Variants in PXYLP1 observed in about 807,000 individuals in gnomAD.
The protein encoded by PXYLP1 is acid phosphatase-like 2.
PXYLP1 carries 17 observed loss-of-function variants against 37.9 expected under a neutral mutation model. That is an observed-to-expected ratio of 0.45 (90% confidence interval 0.31 to 0.67). PXYLP1 has a LOEUF of 0.67. Among genes scored for constraint, PXYLP1 ranks in the 30% least tolerant of loss-of-function variants. The pLI is 0.07. For synonymous variants in PXYLP1, 221 were observed against 232.2 expected (o/e 0.95, Z 0.44); for missense variants, 511 against 612.0 (o/e 0.84, Z 1.74).
intron 2 of PXYLP1, 110 bp from the exon 3 acceptor site, chr3:141,278,232 T>C: frequency 7.9e-7 from 1 of 1,258,138 alleles, no homozygotes; most frequent in Non-Finnish European, 1.1e-6. Flanking sequence ...GCACCTTGAT[T>C]CTCAGTGTAA....
In PXYLP1 at chr3:141,288,821, G is replaced by C. The variant is rs189394454; in HGVS notation, c.505+1368G>C. On this transcript the variant is annotated intron_variant, in intron 5 of 5. Transcript: ENST00000286353. ...TGAGGCGGGAGGACCACTTGAGCCC[G>C]GGAGGTCAAGGCTGCAGTGAACCAT... Among the ~76,000 whole-genome samples the C allele has an allele frequency of 5.0e-4, 76 of 152,270 alleles. 1 individual carries two copies. The highest frequency in any genetic ancestry group is 4.3e-3 in the Admixed American group (66 of 15,298).
intron 4 of PXYLP1, 88 bp from the exon 5 acceptor site, chr3:141,287,226 A>T: frequency 7.1e-7 from 1 of 1,411,770 alleles, no homozygotes; most frequent in Admixed American, 1.9e-5. Context: ...AGGCTGCGAT[A>T]CACGTGGGAT....
intron 2 of PXYLP1, among the ~76,000 whole-genome samples, chr3:141,268,803 T>A (rs2148784087): frequency 6.6e-6 from 1 of 152,308 alleles, no homozygotes; most frequent in South Asian, 2.1e-4. Flanking sequence ...ACCCTGTGCC[T>A]CAGAGCCGTA....
intron 3 of PXYLP1, 103 bp downstream of exon 3, chr3:141,278,603 GCAGTT>G: frequency 1.4e-6 from 2 of 1,448,296 alleles, no homozygotes; most frequent in Non-Finnish European, 1.9e-6. Context: ...CCCAAGTCCT[GCAGTT>G]GCCACCAGGC....
chr3:141,284,985 A>G (rs1385244153), intron 4 of PXYLP1, among the ~76,000 whole-genome samples: 4 of 152,160 alleles, frequency 2.6e-5, no homozygotes, highest in Non-Finnish European at 5.9e-5. Flanking sequence ...AGCATCTGCT[A>G]TGTGCTAAGC....
intron 1 of PXYLP1, among the ~76,000 whole-genome samples, chr3:141,240,631 C>G (rs1394248493): frequency 6.6e-6 from 1 of 152,170 alleles, no homozygotes; most frequent in Admixed American, 6.5e-5. Flanking sequence ...AATTAGCTGG[C>G]AGTCTCTGCT....
At chr3:141,288,559 A>C (rs1401780449) in intron 5 of PXYLP1, among the ~76,000 whole-genome samples, 1 of 152,180 alleles carries the variant, frequency 6.6e-6, no homozygotes, top group Non-Finnish European at 1.5e-5. Flanking sequence ...ACAATTAACT[A>C]TTTTGCAATC....
intron 2 of PXYLP1, chr3:141,262,618 T>G: frequency 6.8e-7 from 1 of 1,478,428 alleles, no homozygotes; most frequent in South Asian, 1.4e-5. Context: ...TTAAGGAAAA[T>G]TTTGCAGGGT....
At chr3:141,282,176 G>A (rs1449095691) in intron 4 of PXYLP1, among the ~76,000 whole-genome samples, 2 of 151,998 alleles carry the variant, frequency 1.3e-5, no homozygotes, top group Admixed American at 6.6e-5. Flanking sequence ...CACTCTCCTC[G>A]TGCTCACTCA....
At chr3:141,266,531 CTG>C (rs1941515019) in intron 2 of PXYLP1, among the ~76,000 whole-genome samples, 1 of 152,136 alleles carries the variant, frequency 6.6e-6, no homozygotes, top group African/African-American at 2.4e-5. Flanking sequence ...AGGGGGTGGA[CTG>C]TGGACAGGAG....
rs1313118558 is a variant in PXYLP1 at position 141,293,664 on chromosome 3, G to A, written c.*459G>A. The stretch of plus-strand genomic sequence containing the variant: ...GGCAAACTTTTTCTGTAAAGGGCCA[G>A]ATTGTAAATATTTCAGACTGTGTGG... On this transcript the variant is annotated 3_prime_UTR_variant, in exon 6 of 6. Coordinates refer to ENST00000286353, the MANE Select transcript of PXYLP1 (RefSeq NM_001037172.3). 1 of 165,540 alleles carries A rather than the reference G, an allele frequency of 6.0e-6. No individual in the cohort carries two copies. The highest frequency in any genetic ancestry group is 1.3e-5 in the Non-Finnish European group (1 of 74,898). 10.3% of individuals were successfully genotyped at this position (165,540 alleles called of 1,614,324 possible).
At chr3:141,273,049 A>G in intron 2 of PXYLP1, 1 of 985,392 alleles carries the variant, frequency 1.0e-6, no homozygotes, top group Non-Finnish European at 1.2e-6. Flanking sequence ...TGCACCCCCC[A>G]ACCAGCAACC....
intron 1 of PXYLP1, among the ~76,000 whole-genome samples, chr3:141,237,695 G>A (rs147393121): frequency 1.8e-4 from 27 of 152,308 alleles, no homozygotes; most frequent in African/African-American, 6.0e-4. Context: ...TGACTGCACT[G>A]AGATGATGGA....
chr3:141,261,408 T>C (rs1281112872), intron 2 of PXYLP1, among the ~76,000 whole-genome samples: 1 of 152,158 alleles, frequency 6.6e-6, no homozygotes, highest in Admixed American at 6.5e-5. Flanking sequence ...AGAACATAGG[T>C]GTTACATAAG....
intron 2 of PXYLP1, chr3:141,274,160 C>T (rs1207705902): frequency 2.0e-6 from 2 of 1,019,354 alleles, no homozygotes; most frequent in Non-Finnish European, 2.4e-6. Flanking sequence ...CTGCCCCCAG[C>T]CCCTGGGTCT....
intron 1 of PXYLP1, among the ~76,000 whole-genome samples, chr3:141,248,083 C>T (rs557582467): frequency 9.5e-5 from 13 of 136,724 alleles, no homozygotes; most frequent in East Asian, 2.4e-4. Flanking sequence ...AGTGCAGTGG[C>T]GCAATTTTGG....
At chr3:141,286,111 T>G (rs1380093934) in intron 4 of PXYLP1, among the ~76,000 whole-genome samples, 3 of 152,204 alleles carry the variant, frequency 2.0e-5, no homozygotes, top group Non-Finnish European at 4.4e-5. Flanking sequence ...CTTATAGAGT[T>G]TAGGCATGAA....
intron 2 of PXYLP1, among the ~76,000 whole-genome samples, chr3:141,264,075 C>A (rs768938749): frequency 6.6e-6 from 1 of 152,212 alleles, no homozygotes; most frequent in Non-Finnish European, 1.5e-5. Context: ...GAGCACATGG[C>A]ACCCATATCT....
At chr3:141,262,791 G>A in intron 2 of PXYLP1, 1 of 1,173,000 alleles carries the variant, frequency 8.5e-7, no homozygotes, top group Non-Finnish European at 1.2e-6. Flanking sequence ...TTATTTAATT[G>A]CTTTATTGGT....
Sources: allele counts gnomAD v4.1 joint callset (sites outside exome capture counted in the v4.1 genomes callset), GRCh38; gene constraint gnomAD v4.1.1; transcripts MANE v1.5; gene names NCBI Gene and HGNC (gene_info 2026-07-23, HGNC 2026-07-21).